Variants in TNFRSF10A observed in about 807,000 individuals in gnomAD.
TNFRSF10A encodes tumor necrosis factor receptor superfamily member 10A.
TNFRSF10A carries 44 observed loss-of-function variants against 42.8 expected under a neutral mutation model. The ratio of observed to expected loss-of-function variants is 1.03; its 90% CI spans 0.81 to 1.32. The LOEUF (loss-of-function observed/expected upper bound fraction) is 1.32, where lower values mean the gene tolerates loss of function less well. TNFRSF10A is among the 40% of genes most tolerant of loss of function. TNFRSF10A has a pLI of 0.00. For missense variants in TNFRSF10A, 680 were observed against 602.0 expected (o/e 1.13, Z -1.36); for synonymous variants, 259 against 234.2 (o/e 1.11, Z -0.97).
chr8:23,219,430 G>C (rs1228179913), intron 1 of TNFRSF10A, among the ~76,000 whole-genome samples: 1 of 144,484 alleles, frequency 6.9e-6, no homozygotes, highest in African/African-American at 2.5e-5. Flanking sequence ...CAAGTGCAGG[G>C]CAGAGATGTG....
chr8:23,195,738 G>T (rs1020197531), intron 9 of TNFRSF10A, among the ~76,000 whole-genome samples: 2 of 150,948 alleles, frequency 1.3e-5, no homozygotes, highest in Non-Finnish European at 2.9e-5. Context: ...AAGTGGGGCC[G>T]AGAGAGAGAG....
At chr8:23,199,025 C>T (rs1800867891) in intron 8 of TNFRSF10A, among the ~76,000 whole-genome samples, 2 of 152,180 alleles carry the variant, frequency 1.3e-5, no homozygotes, top group Admixed American at 1.3e-4. Context: ...ACCCTGTGAC[C>T]CCCACTCTAT....
chr8:23,199,085 TA>T (rs987939165), intron 8 of TNFRSF10A, among the ~76,000 whole-genome samples, 180 bp downstream of exon 8: 1 of 152,168 alleles, frequency 6.6e-6, no homozygotes, highest in African/African-American at 2.4e-5. Context: ...GGACAGGGAC[TA>T]AGAAGCAGAC....
At chr8:23,194,562 T>C (rs1800797897) in intron 9 of TNFRSF10A, among the ~76,000 whole-genome samples, 1 of 152,210 alleles carries the variant, frequency 6.6e-6, no homozygotes, top group African/African-American at 2.4e-5. Context: ...ATTAATGTTG[T>C]TGGTTTAATG....
At chr8:23,201,748 G>A in intron 4 of TNFRSF10A, 60 bp downstream of exon 4, 1 of 1,463,002 alleles carries the variant, frequency 6.8e-7, no homozygotes, top group Non-Finnish European at 9.4e-7. Flanking sequence ...GGTCTTTTTA[G>A]GGTTCCTTGC....
chr8:23,195,426 C>G (rs1215650028), intron 9 of TNFRSF10A, among the ~76,000 whole-genome samples: 2 of 152,180 alleles, frequency 1.3e-5, no homozygotes, highest in Non-Finnish European at 2.9e-5. Flanking sequence ...GCATATTTCT[C>G]TCTCTGCCTA....
In TNFRSF10A at chr8:23,190,930, A is replaced by T. The variant is rs1035615902; in HGVS notation, c.*764T>A. On this transcript the variant is annotated 3_prime_UTR_variant, in exon 10 of 10. Transcript: ENST00000221132. ...ATGCCCTGGAGTCCAAGGGCTAGAA[A>T]TCCTAGACTCTGATGTCCACAGGCA... 5 of 152,130 alleles carry T rather than the reference A, an allele frequency of 3.3e-5. No homozygotes were observed. Among genetic ancestry groups the T allele is most frequent in the African/African-American group, 1.2e-4 (5 of 41,424 alleles). 9.4% of individuals were successfully genotyped at this position (152,130 alleles called of 1,614,324 possible).
intron 8 of TNFRSF10A, among the ~76,000 whole-genome samples, chr8:23,198,810 C>T (rs1471970351): frequency 6.6e-6 from 1 of 152,194 alleles, no homozygotes; most frequent in Non-Finnish European, 1.5e-5. Flanking sequence ...AGCACTGTTA[C>T]AGGCTGACTT....
At chr8:23,194,973 A>G (rs942729160) in intron 9 of TNFRSF10A, among the ~76,000 whole-genome samples, 77 of 152,170 alleles carry the variant, frequency 5.1e-4, no homozygotes, top group African/African-American at 1.8e-3. Flanking sequence ...AGACTGGCCA[A>G]CGTGGCAAAA....
In TNFRSF10A at chr8:23,201,662, CA is replaced by C. The variant is rs141855145; in HGVS notation, c.629+145del. Reference sequence around the variant, plus strand: ...GGCAGGTTGCAGGCTCAGGAGACGCCACAGGCTCAGGGACACCTATGGGGGT... The same window carrying C: ...GGCAGGTTGCAGGCTCAGGAGACGCCCAGGCTCAGGGACACCTATGGGGGT... On this transcript the variant is annotated intron_variant, in intron 4 of 9. Coordinates refer to ENST00000221132, the MANE Select transcript of TNFRSF10A (RefSeq NM_003844.4). 1,824 of 710,110 alleles carry C rather than the reference CA, an allele frequency of 2.6e-3. 56 individuals are homozygous for C. In the East Asian group the frequency reaches 0.049, roughly 19 times the overall value. The allele number at this position is 710,110 out of a possible 1,614,324, so 44.0% of individuals were successfully genotyped here.
At chr8:23,209,553 G>A (rs893709227) in intron 2 of TNFRSF10A, among the ~76,000 whole-genome samples, 4 of 152,228 alleles carry the variant, frequency 2.6e-5, no homozygotes, top group African/African-American at 9.6e-5. Context: ...TCTTGCATCA[G>A]TGTGACCTGG....
chr8:23,209,913 T>A (rs1313627650), intron 2 of TNFRSF10A, among the ~76,000 whole-genome samples: 2 of 152,184 alleles, frequency 1.3e-5, no homozygotes, highest in East Asian at 3.9e-4. Context: ...CCAGGGGTGA[T>A]AGGGTTTGGA....
At chr8:23,199,007 A>G (rs985808891) in intron 8 of TNFRSF10A, among the ~76,000 whole-genome samples, 2 of 152,240 alleles carry the variant, frequency 1.3e-5, no homozygotes, top group African/African-American at 4.8e-5. Context: ...TTATTCAGTC[A>G]TCAACAAACC....
intron 2 of TNFRSF10A, among the ~76,000 whole-genome samples, chr8:23,209,205 G>A (rs867145114): frequency 2.0e-5 from 3 of 152,212 alleles, no homozygotes; most frequent in Admixed American, 6.5e-5. Context: ...GAACCTCCAC[G>A]TAGATTTCAG....
intron 9 of TNFRSF10A, among the ~76,000 whole-genome samples, chr8:23,194,960 A>G (rs1176128597): frequency 6.6e-6 from 1 of 152,140 alleles, no homozygotes; most frequent in Non-Finnish European, 1.5e-5. Flanking sequence ...GGAGTTTGAG[A>G]CCAGACTGGC....
chr8:23,199,178 G>A, intron 8 of TNFRSF10A, 88 bp downstream of exon 8: 1 of 1,511,444 alleles, frequency 6.6e-7, no homozygotes, highest in East Asian at 2.3e-5. Context: ...ATCTCCCTCA[G>A]GCTCCACTTC....
At chr8:23,199,502 G>T (rs1337556551) in intron 7 of TNFRSF10A, 54 bp from the exon 8 acceptor site, 12 of 1,586,804 alleles carry the variant, frequency 7.6e-6, no homozygotes, top group Non-Finnish European at 1.0e-5. Flanking sequence ...TCCCCACGGG[G>T]TCCGTAGGGC....
intron 9 of TNFRSF10A, among the ~76,000 whole-genome samples, chr8:23,192,596 C>G (rs1469828403): frequency 6.6e-6 from 1 of 152,198 alleles, no homozygotes; most frequent in African/African-American, 2.4e-5. Context: ...GTGTGCAAAG[C>G]ACTGCACACC....
intron 9 of TNFRSF10A, 58 bp from the exon 10 acceptor site, chr8:23,192,071 C>G: frequency 1.3e-6 from 2 of 1,551,872 alleles, no homozygotes; most frequent in Non-Finnish European, 1.7e-6. Flanking sequence ...TCAGAAGGGG[C>G]AGAGGATCCC....
Sources: allele counts gnomAD v4.1 joint callset (sites outside exome capture counted in the v4.1 genomes callset), GRCh38; gene constraint gnomAD v4.1.1; transcripts MANE v1.5; gene names NCBI Gene and HGNC (gene_info 2026-07-23, HGNC 2026-07-21).